Variants in CSTF3 observed in about 807,000 individuals in gnomAD.
CSTF3 encodes the protein cleavage stimulation factor subunit 3.
CSTF3 carries 29 observed loss-of-function variants against 105.8 expected under a neutral mutation model. That is an observed-to-expected ratio of 0.27 (90% CI 0.20 to 0.37). CSTF3 has a LOEUF of 0.37. Ranked by LOEUF, CSTF3 falls within the 10% of genes least tolerant of loss-of-function variation. The probability of loss-of-function intolerance (pLI) is 1.00; values close to 1 mark genes in which losing one functional copy is unlikely to be tolerated. For missense variants in CSTF3, 357 were observed against 879.3 expected (o/e 0.41, Z 7.51); for synonymous variants, 252 against 281.9 (o/e 0.89, Z 1.06).
intron 1 of CSTF3, among the ~76,000 whole-genome samples, chr11:33,155,416 TA>T (rs1445888169): frequency 1.3e-5 from 2 of 150,570 alleles, no homozygotes; most frequent in Admixed American, 1.3e-4. Flanking sequence ...TGGCTTAACA[TA>T]TTAGTTCAAA....
chr11:33,090,139 A>C (rs1477779843), intron 17 of CSTF3, among the ~76,000 whole-genome samples: 1 of 152,206 alleles, frequency 6.6e-6, no homozygotes, highest in African/African-American at 2.4e-5. Context: ...CAGGAACTAC[A>C]TTTGGTTTAA....
chr11:33,113,745 G>C (rs574798935), intron 3 of CSTF3, among the ~76,000 whole-genome samples: 1 of 151,858 alleles, frequency 6.6e-6, no homozygotes, highest in African/African-American at 2.4e-5. Context: ...TAACCTTTAA[G>C]TTTAATTACA....
At position 33,092,306 on chromosome 11, in the gene CSTF3, A is replaced by G. The variant is rs1212307075; in HGVS notation, c.1410T>C (p.Val470=). Residue 470 remains valine (V), a synonymous_variant, in exon 16 of 21, where the codon GTT becomes GTC. Transcript: ENST00000323959. ...DNNTRVLFER[V]LTSGSLPPEK... ...CAGGAGGAAGGCTTCCAGATGTTAAAACTCGTTCAAACAAAACTCGGGTAT... is the reference window on the plus strand; with the variant it reads ...CAGGAGGAAGGCTTCCAGATGTTAAGACTCGTTCAAACAAAACTCGGGTAT... The G allele has an allele frequency of 6.2e-7, 1 of 1,602,008 alleles. No homozygotes were observed. The highest frequency in any genetic ancestry group is 8.5e-7 in the Non-Finnish European group (1 of 1,175,960).
chr11:33,136,607 G>C (rs1855655984), intron 3 of CSTF3, among the ~76,000 whole-genome samples: 1 of 151,930 alleles, frequency 6.6e-6, no homozygotes, highest in African/African-American at 2.4e-5. Flanking sequence ...ATAAAGGAAA[G>C]TCAATTGCCA....
intron 8 of CSTF3, 35 bp from the exon 9 acceptor site, chr11:33,103,219 T>C (rs372668998): frequency 1.5e-5 from 16 of 1,046,272 alleles, no homozygotes; most frequent in African/African-American, 1.7e-5. Flanking sequence ...AAATTAAGTA[T>C]AGTTTCTTAA....
At chr11:33,129,696 G>A (rs1426491307) in intron 3 of CSTF3, among the ~76,000 whole-genome samples, 2 of 152,150 alleles carry the variant, frequency 1.3e-5, no homozygotes, top group Non-Finnish European at 2.9e-5. Flanking sequence ...ATGCAATTCT[G>A]CATTTTTAGT....
At chr11:33,155,719 T>G (rs1849857027) in intron 1 of CSTF3, among the ~76,000 whole-genome samples, 1 of 152,162 alleles carries the variant, frequency 6.6e-6, no homozygotes, top group Admixed American at 6.6e-5. Flanking sequence ...CTCAAATCCC[T>G]TTTTTAGCCC....
At chr11:33,128,743 C>A (rs1437265097) in intron 3 of CSTF3, among the ~76,000 whole-genome samples, 1 of 152,084 alleles carries the variant, frequency 6.6e-6, no homozygotes, top group African/African-American at 2.4e-5. Context: ...CAAAATTCAG[C>A]TTAAAAATTA....
chr11:33,124,831 C>A (rs1230604427), intron 3 of CSTF3, among the ~76,000 whole-genome samples: 17 of 152,320 alleles, frequency 1.1e-4, no homozygotes, highest in Admixed American at 9.8e-4. Context: ...TTTCAGCAAA[C>A]TGAAGAGTCA....
rs774510346 is a variant in CSTF3 at position 33,086,002 on chromosome 11, G to C, written c.1796-13C>G. 2 of 1,447,806 alleles carry C rather than the reference G, an allele frequency of 1.4e-6. No individual in the cohort carries two copies. Among genetic ancestry groups the C allele is most frequent in the African/African-American group, 2.9e-5 (2 of 69,976 alleles). 89.7% of individuals were successfully genotyped at this position (1,447,806 alleles called of 1,614,324 possible). A position where few individuals can be genotyped will look rare whatever the true frequency, so the allele number is the denominator to read the frequency against. On this transcript the variant is annotated splice_polypyrimidine_tract_variant and intron_variant, in intron 18 of 20. Transcript: ENST00000323959. ...TGTAAACCTGGAGCTGTGAGAAAAAGAAAAGTATGAATCAAGTGGAATGGA... is the reference window on the plus strand; with the variant it reads ...TGTAAACCTGGAGCTGTGAGAAAAACAAAAGTATGAATCAAGTGGAATGGA...
intron 1 of CSTF3, among the ~76,000 whole-genome samples, chr11:33,155,307 C>A (rs960732933): frequency 6.6e-6 from 1 of 150,486 alleles, no homozygotes; most frequent in South Asian, 2.1e-4. Flanking sequence ...GAGCTTGCAG[C>A]GAGCCGTGAT....
intron 3 of CSTF3, among the ~76,000 whole-genome samples, chr11:33,140,788 A>G (rs570633303): frequency 6.6e-6 from 1 of 152,204 alleles, no homozygotes; most frequent in South Asian, 2.1e-4. Context: ...AGTACTGCAT[A>G]AGTTACAAAA....
intron 13 of CSTF3, among the ~76,000 whole-genome samples, chr11:33,097,695 T>C (rs1010458555): frequency 3.3e-5 from 5 of 152,176 alleles, no homozygotes; most frequent in Non-Finnish European, 7.3e-5. Flanking sequence ...TCACATTTTC[T>C]TGGTTTCTTT....
At chr11:33,152,901 T>A (rs995993589) in intron 1 of CSTF3, among the ~76,000 whole-genome samples, 12 of 151,674 alleles carry the variant, frequency 7.9e-5, no homozygotes, top group African/African-American at 2.4e-4. Flanking sequence ...GAGGTTGCAG[T>A]GAGCTGGGAT....
At chr11:33,131,781 G>A (rs1014133221) in intron 3 of CSTF3, among the ~76,000 whole-genome samples, 7 of 152,300 alleles carry the variant, frequency 4.6e-5, no homozygotes, top group Non-Finnish European at 5.9e-5. Flanking sequence ...GAACCCGGGA[G>A]GTGGAGCCTG....
chr11:33,099,048 CA>C lies in CSTF3; in HGVS notation c.1038del (p.Tyr346Ter). ...LKKNMLLYFA[Y>X]ADYEESRMKY... is the part of the protein sequence containing the mutation. Reference sequence around the variant, plus strand: ...TTTTTACTTACCTCTTCATAATCTGCATATGCAAAATAAAGAAGCATATTCT... The same window carrying C: ...TTTTTACTTACCTCTTCATAATCTGCTATGCAAAATAAAGAAGCATATTCT... On this transcript the variant is annotated frameshift_variant, in exon 12 of 21. Transcript: ENST00000323959. LOFTEE classifies it high-confidence loss of function. This position sits in a 1 kb window ranked among gnomAD's most constrained non-coding sequence, Gnocchi z 4.1. The C allele has an allele frequency of 1.3e-6, 2 of 1,571,448 alleles. No individual in the cohort carries two copies. The highest frequency in any genetic ancestry group is 1.7e-6 in the Non-Finnish European group (2 of 1,170,422).
chr11:33,117,254 T>C (rs1258223308), intron 3 of CSTF3, among the ~76,000 whole-genome samples: 1 of 151,790 alleles, frequency 6.6e-6, no homozygotes, highest in Non-Finnish European at 1.5e-5. Flanking sequence ...CCAGAGTACT[T>C]GACATAAGAA....
At position 33,113,583 on chromosome 11, in the gene CSTF3, A is replaced by G. The variant is rs572245039; in HGVS notation, c.226-5165T>C. Reference sequence around the variant, plus strand: ...ACACATACTATCATAAAAATTTGTCATACAATTACATTACCTTTTTAATGA... The same window carrying G: ...ACACATACTATCATAAAAATTTGTCGTACAATTACATTACCTTTTTAATGA... On this transcript the variant is annotated intron_variant, in intron 3 of 20. Transcript: ENST00000323959. Among the ~76,000 whole-genome samples, 65 of 152,312 alleles carry G rather than the reference A, an allele frequency of 4.3e-4. 2 individuals carry two copies. In the South Asian group the frequency reaches 0.013, roughly 31 times the overall value.
At chr11:33,134,858 G>A (rs1855636614) in intron 3 of CSTF3, among the ~76,000 whole-genome samples, 1 of 152,122 alleles carries the variant, frequency 6.6e-6, no homozygotes, top group South Asian at 2.1e-4. Context: ...GGTTATTTGT[G>A]AGAAAACATC....
Sources: gnomAD v4.1 joint callset for allele counts (sites outside exome capture counted in the v4.1 genomes callset) on GRCh38, gnomAD v4.1.1 for gene constraint, Gnocchi (gnomAD v3.1) non-coding constraint, MANE v1.5 for transcripts, NCBI Gene and HGNC (gene_info 2026-07-23, HGNC 2026-07-21) for gene names.